The following JPH3 variants were observed in gnomAD, a reference collection of about 807,000 sequenced individuals.
The protein encoded by JPH3 is junctophilin-3.
JPH3 carries 11 observed loss-of-function variants against 59.6 expected under a neutral mutation model. That is an observed-to-expected ratio of 0.18 (90% CI 0.12 to 0.31). The LOEUF is 0.31. JPH3 is among the 10% of genes least tolerant of loss of function. The pLI is 1.00. For missense variants in JPH3, 1,202 were observed against 1,105.7 expected (o/e 1.09, Z -1.24); for synonymous variants, 673 against 483.6 (o/e 1.39, Z -5.14).
At chr16:87,614,097 T>C (rs2150824104) in intron 1 of JPH3, among the ~76,000 whole-genome samples, 2 of 152,356 alleles carry the variant, frequency 1.3e-5, no homozygotes, top group Middle Eastern at 6.8e-3. Flanking sequence ...GAGGTTTCAC[T>C]CCCAGCAATT....
At chr16:87,645,369 T>A (rs1202974893) in intron 2 of JPH3, among the ~76,000 whole-genome samples, 1 of 152,228 alleles carries the variant, frequency 6.6e-6, no homozygotes, top group Non-Finnish European at 1.5e-5. Context: ...GTTAGTACAA[T>A]GCATTGGAGT....
At chr16:87,647,721 C>T (rs1700338765) in intron 2 of JPH3, among the ~76,000 whole-genome samples, 1 of 152,210 alleles carries the variant, frequency 6.6e-6, no homozygotes, top group African/African-American at 2.4e-5. Flanking sequence ...TCACGGCCTC[C>T]TCACCGCTGT....
At chr16:87,625,910 A>G (rs2031358257) in intron 1 of JPH3, among the ~76,000 whole-genome samples, 1 of 152,026 alleles carries the variant, frequency 6.6e-6, no homozygotes, top group Non-Finnish European at 1.5e-5. Context: ...ACCTTCATTC[A>G]ACCCAAAACT....
chr16:87,636,962 C>T (rs1404554692), intron 1 of JPH3, among the ~76,000 whole-genome samples: 5 of 152,176 alleles, frequency 3.3e-5, no homozygotes, highest in South Asian at 2.1e-4. Context: ...CAGGTCCACA[C>T]GCTCCCCAGC....
chr16:87,686,203 G>T (rs527239338), intron 3 of JPH3, among the ~76,000 whole-genome samples: 1 of 152,290 alleles, frequency 6.6e-6, no homozygotes, highest in South Asian at 2.1e-4. Flanking sequence ...TACTGCTCCA[G>T]TCCCAAGAAA....
intron 4 of JPH3, among the ~76,000 whole-genome samples, chr16:87,691,845 G>T (rs1239181025): frequency 6.6e-6 from 1 of 152,164 alleles, no homozygotes. Context: ...AGATGTGTGC[G>T]TGGCTGTGCG....
intron 2 of JPH3, among the ~76,000 whole-genome samples, chr16:87,659,155 C>G (rs1046162437): frequency 2.6e-5 from 4 of 152,076 alleles, no homozygotes; most frequent in African/African-American, 7.2e-5. Context: ...AGGCGGATCA[C>G]TTGAGGTCAG....
intron 1 of JPH3, among the ~76,000 whole-genome samples, chr16:87,642,450 G>C (rs1046299388): frequency 1.3e-5 from 2 of 152,216 alleles, no homozygotes; most frequent in Non-Finnish European, 2.9e-5. Flanking sequence ...GAATTTTTAT[G>C]TCAAATCTCT....
At chr16:87,659,437 A>G (rs1357552942) in intron 2 of JPH3, among the ~76,000 whole-genome samples, 3 of 150,390 alleles carry the variant, frequency 2.0e-5, no homozygotes, top group African/African-American at 7.3e-5. Context: ...AAAATGTATG[A>G]TTTTGGCCAG....
chr16:87,612,063 G>T (rs1452209660), intron 1 of JPH3, among the ~76,000 whole-genome samples: 3 of 152,204 alleles, frequency 2.0e-5, no homozygotes, highest in Non-Finnish European at 1.5e-5. Flanking sequence ...CAGATGCCCG[G>T]GCCCCACCCA....
chr16:87,645,146 G>A (rs757443780), intron 2 of JPH3, 111 bp downstream of exon 2: 39 of 1,104,272 alleles, frequency 3.5e-5, no homozygotes, highest in Non-Finnish European at 4.8e-5. Context: ...CCAGTTTGAG[G>A]CCTACACTGG....
Position 87,690,056 on chromosome 16 carries a change from C to T in JPH3, c.1696C>T (p.Pro566Ser), listed in dbSNP as rs1229177751. The T allele has an allele frequency of 6.4e-7, 1 of 1,569,362 alleles. No individual in the cohort carries two copies. Reference protein sequence around the residue: ...FRTRGSGRKQPGNPKPRERRT... With the variant: ...FRTRGSGRKQSGNPKPRERRT... ...CACCCGAGGTTCGGGCCGCAAGCAG[C>T]CCGGGAACCCCAAGCCGCGGGAGCG... is the stretch of plus-strand genomic sequence containing the variant. The change falls in exon 4 of 5, where the codon CCC (proline) becomes TCC (serine). Residue 566 changes from proline to serine, a missense_variant. By Grantham distance (74) the Pro-to-Ser change is moderately conservative. Transcript: ENST00000284262.
intron 1 of JPH3, among the ~76,000 whole-genome samples, chr16:87,635,939 T>C (rs861133): frequency 6.6e-6 from 1 of 152,048 alleles, no homozygotes; most frequent in Non-Finnish European, 1.5e-5. Context: ...GAACCCACCT[T>C]CCTCTGGGGT....
At chr16:87,688,792 G>A (rs181106196) in intron 3 of JPH3, among the ~76,000 whole-genome samples, 2 of 152,312 alleles carry the variant, frequency 1.3e-5, no homozygotes, top group East Asian at 1.9e-4. Context: ...GGTAAGAAGC[G>A]CCGCGTTCTT....
intron 1 of JPH3, among the ~76,000 whole-genome samples, chr16:87,638,625 G>A (rs1311888139): frequency 6.7e-6 from 1 of 149,794 alleles, no homozygotes; most frequent in Non-Finnish European, 1.5e-5. Context: ...GGCAGGGCTT[G>A]GGGAGTGAGG....
At chr16:87,623,473 C>T (rs2031263016) in intron 1 of JPH3, among the ~76,000 whole-genome samples, 1 of 152,202 alleles carries the variant, frequency 6.6e-6, no homozygotes, top group South Asian at 2.1e-4. Context: ...GTGACAGAGT[C>T]ACCGATGTGG....
At chr16:87,616,215 TGTGTGTGTG>T (rs2030957396) in intron 1 of JPH3, among the ~76,000 whole-genome samples, 1 of 147,420 alleles carries the variant, frequency 6.8e-6, no homozygotes, top group African/African-American at 2.5e-5. Flanking sequence ...TGTGTGTGTG[TGTGTGTGTG>T]TGTGTGTGTG....
intron 2 of JPH3, among the ~76,000 whole-genome samples, chr16:87,679,385 C>A (rs1311122810): frequency 6.6e-6 from 1 of 152,172 alleles, no homozygotes; most frequent in Non-Finnish European, 1.5e-5. Context: ...CTTTAACAAC[C>A]CAGCCTGGGT....
At chr16:87,607,105 G>A (rs758743218) in intron 1 of JPH3, among the ~76,000 whole-genome samples, 21 of 152,128 alleles carry the variant, frequency 1.4e-4, no homozygotes, top group African/African-American at 1.9e-4. Flanking sequence ...TATATCTCTC[G>A]TTCTCTTGTG....
Sources: gnomAD v4.1 joint callset for allele counts (sites outside exome capture counted in the v4.1 genomes callset) on GRCh38, gnomAD v4.1.1 for gene constraint, MANE v1.5 for transcripts, NCBI Gene and HGNC (gene_info 2026-07-23, HGNC 2026-07-21) for gene names.